MYO9A: variants seen among roughly 807,000 people sequenced by gnomAD.
MYO9A encodes the protein unconventional myosin-IXa.
In MYO9A, 103 loss-of-function variants were observed where a neutral mutation model predicts 293.3. The ratio of observed to expected loss-of-function variants is 0.35; its 90% CI spans 0.30 to 0.41. MYO9A has a LOEUF of 0.41. Ranked by LOEUF, MYO9A falls within the 10% of genes least tolerant of loss-of-function variation. The pLI, the probability that MYO9A is intolerant of heterozygous loss-of-function variation, is 1.00. For missense variants in MYO9A, 2,685 were observed against 3,033.0 expected, an observed-to-expected ratio of 0.89 and a Z score of 2.69; for synonymous variants, 1,001 against 1,035.7, an observed-to-expected ratio of 0.97 and a Z score of 0.64.
chr15:72,110,986 T>C (rs1263509595), intron 1 of MYO9A, among the ~76,000 whole-genome samples: 1 of 151,730 alleles, frequency 6.6e-6, no homozygotes, highest in East Asian at 1.9e-4. Flanking sequence ...GGTGAAGCCC[T>C]GTCTCTACTA....
chr15:72,085,552 G>A (rs1281471101), intron 1 of MYO9A, among the ~76,000 whole-genome samples: 1 of 152,076 alleles, frequency 6.6e-6, no homozygotes, highest in Non-Finnish European at 1.5e-5. Flanking sequence ...AGCTTCCTTG[G>A]ATTGGGTTTC....
intron 1 of MYO9A, among the ~76,000 whole-genome samples, chr15:72,087,423 A>C (rs948367112): frequency 6.6e-6 from 1 of 152,186 alleles, no homozygotes; most frequent in African/African-American, 2.4e-5. Context: ...TTGAGAATCA[A>C]GCAGCTCTCC....
At chr15:71,860,582 T>G (rs931751525) in intron 33 of MYO9A, among the ~76,000 whole-genome samples, 11 of 151,948 alleles carry the variant, frequency 7.2e-5, no homozygotes, top group African/African-American at 2.7e-4. Context: ...TGTAGGCTTT[T>G]GAAGGCCAAG....
In MYO9A at chr15:71,975,390, CGTGTGTGTGTGTGTGTGTGTGT is replaced by C. The variant is rs57800508; in HGVS notation, c.1844+2759_1844+2780del. 9.6e-4 allele frequency among the ~76,000 whole-genome samples: 83 copies of C among 86,686 alleles called. No homozygotes were observed. The East Asian group carries it at 0.022, about 23-fold the overall frequency. 56.9% of individuals were successfully genotyped at this position (86,686 alleles called of 152,430 possible). A position where few individuals can be genotyped will look rare whatever the true frequency, so the allele number is the denominator to read the frequency against. ...CCTTTGGCCTATGACGTGATTTTAT[CGTGTGTGTGTGTGTGTGTGTGT>C]GTGTGTGTGTGTGTGTAGGTTTTCG... On this transcript the variant is annotated intron_variant, in intron 12 of 41. Transcript: ENST00000356056.
rs148203149 is a variant in MYO9A, at chr15:71,898,201, T to G, written c.4302A>C (p.Gln1434His). Residue 1434 changes from glutamine to histidine, a missense_variant, in exon 25 of 42, where the codon CAA becomes CAC. Gln to His is a conservative substitution (Grantham distance 24). Around this residue, in one of 10 missense-constraint regions of MYO9A, gnomAD observed 1,434 missense variants for 1,497.7 expected, o/e 0.96. Transcript: ENST00000356056. The stretch of plus-strand genomic sequence containing the variant: ...TGTTTCTTTGGATACTTGTGTCTAG[T>G]TGGGAATTTGTTTTCAGTGGGTCTT... ...PQQDPLKTNS[Q>H]LDTSIQRNKL... The G allele has an allele frequency of 1.2e-6, 2 of 1,614,138 alleles. No homozygotes were observed. The highest frequency in any genetic ancestry group is 1.7e-6 in the Non-Finnish European group (2 of 1,180,010).
chr15:72,116,099 G>T (rs1250213760), intron 1 of MYO9A, among the ~76,000 whole-genome samples: 1 of 152,116 alleles, frequency 6.6e-6, no homozygotes, highest in African/African-American at 2.4e-5. Context: ...TTTATATATT[G>T]GAAATATCAC....
At chr15:71,916,637 A>T in intron 18 of MYO9A, 145 bp from the exon 19 acceptor site, 2 of 736,676 alleles carry the variant, frequency 2.7e-6, no homozygotes, top group Non-Finnish European at 4.3e-6. Flanking sequence ...GATATCCAAC[A>T]TTCATTCTAT....
chr15:71,954,917 A>G (rs1409140171), intron 14 of MYO9A, among the ~76,000 whole-genome samples: 1 of 152,222 alleles, frequency 6.6e-6, no homozygotes, highest in African/African-American at 2.4e-5. Context: ...GGCCATTTTT[A>G]AAAGCCATAT....
intron 1 of MYO9A, among the ~76,000 whole-genome samples, chr15:72,099,027 A>G (rs2080164794): frequency 6.6e-6 from 1 of 152,208 alleles, no homozygotes; most frequent in Non-Finnish European, 1.5e-5. Context: ...CAGACACAGT[A>G]GCTCACACCT....
rs778532150 is a variant in MYO9A, at chr15:71,897,922, G to A, written c.4581C>T (p.Arg1527=). 22 of 1,614,008 alleles carry A rather than the reference G, an allele frequency of 1.4e-5. No individual in the cohort carries two copies. The highest frequency in any genetic ancestry group is 1.9e-5 in the Non-Finnish European group (22 of 1,180,042). Residue 1527 remains arginine, a synonymous_variant, in exon 25 of 42, where the codon CGC becomes CGT. Coordinates refer to ENST00000356056, the MANE Select transcript of MYO9A (RefSeq NM_006901.4). ...GCTTTTCAATTGTCTTGAAGGCTTT[G>A]CGCTCCTTCTCTAAAATATCTGTTT... ...RQQTDILEKE[R]KAFKTIEKPR... is the part of the protein sequence containing the mutation.
intron 1 of MYO9A, among the ~76,000 whole-genome samples, chr15:72,062,837 G>A: frequency 6.6e-6 from 1 of 152,148 alleles, no homozygotes; most frequent in South Asian, 2.1e-4. Flanking sequence ...GGACAACATA[G>A]AGAGATCCCA....
chr15:71,881,997 C>T (rs990341943), intron 28 of MYO9A, among the ~76,000 whole-genome samples: 1 of 152,156 alleles, frequency 6.6e-6, no homozygotes, highest in Non-Finnish European at 1.5e-5. Context: ...CTGATAGAAG[C>T]AAAGCCATAA....
chr15:71,992,686 C>T (rs1399472856), intron 10 of MYO9A, among the ~76,000 whole-genome samples: 1 of 151,844 alleles, frequency 6.6e-6, no homozygotes, highest in African/African-American at 2.4e-5. Flanking sequence ...ATCAGTCTGA[C>T]AAGGTGGACT....
At chr15:71,908,213 A>T (rs2057724705) in intron 19 of MYO9A, among the ~76,000 whole-genome samples, 1 of 152,212 alleles carries the variant, frequency 6.6e-6, no homozygotes, top group South Asian at 2.1e-4. Context: ...TCCTTTCCCC[A>T]TTGCTTATTT....
At chr15:72,074,808 C>CA (rs2150239456) in intron 1 of MYO9A, among the ~76,000 whole-genome samples, 1 of 152,144 alleles carries the variant, frequency 6.6e-6, no homozygotes, top group African/African-American at 2.4e-5. Context: ...CACTTGAAAC[C>CA]AAAAATAACT....
intron 1 of MYO9A, among the ~76,000 whole-genome samples, chr15:72,055,096 C>G (rs1324198864): frequency 6.6e-6 from 1 of 152,092 alleles, no homozygotes; most frequent in Non-Finnish European, 1.5e-5. Flanking sequence ...ATATTTTGTA[C>G]CATTTCAGTT....
At chr15:72,115,385 C>G (rs2080933995) in intron 1 of MYO9A, among the ~76,000 whole-genome samples, 1 of 152,134 alleles carries the variant, frequency 6.6e-6, no homozygotes, top group Admixed American at 6.6e-5. Context: ...CACAAATTAA[C>G]CCCTCTATCC....
intron 15 of MYO9A, among the ~76,000 whole-genome samples, chr15:71,951,017 G>A (rs537593916): frequency 2.0e-5 from 3 of 152,212 alleles, no homozygotes; most frequent in African/African-American, 7.2e-5. Flanking sequence ...AACAAATAAA[G>A]AGCAAGAAAG....
At chr15:71,905,094 A>C (rs2057591768) in intron 19 of MYO9A, 88 bp from the exon 20 acceptor site, 23 of 1,171,164 alleles carry the variant, frequency 2.0e-5, no homozygotes, top group Non-Finnish European at 2.7e-5. Context: ...TGCTGGCAAA[A>C]CATTCAAAAA....
Sources: gnomAD v4.1 joint callset for allele counts (sites outside exome capture counted in the v4.1 genomes callset) on GRCh38, gnomAD v4.1.1 for gene constraint, gnomAD v4.1.1 regional missense constraint, MANE v1.5 for transcripts, NCBI Gene and HGNC (gene_info 2026-07-23, HGNC 2026-07-21) for gene names.